Variants in NAPB observed in about 807,000 individuals in gnomAD.
The protein encoded by NAPB is NSF attachment protein beta.
In NAPB, 26 loss-of-function variants were observed where a neutral mutation model predicts 44.7. The observed-to-expected ratio is 0.58, with a 90% confidence interval of 0.43 to 0.81. The LOEUF is 0.81. Ranked by LOEUF, NAPB falls within the 30% of genes least tolerant of loss-of-function variation. The probability of loss-of-function intolerance (pLI) is 0.00; values close to 1 mark genes in which losing one functional copy is unlikely to be tolerated. For missense variants in NAPB, 315 were observed against 356.4 expected, an observed-to-expected ratio of 0.88 and a Z score of 0.94; for synonymous variants, 120 against 116.8, an observed-to-expected ratio of 1.03 and a Z score of -0.18.
In NAPB at chr20:23,377,016, A is replaced by G. The variant is rs901161604; in HGVS notation, c.*360T>C. 3 of 157,330 alleles carry G rather than the reference A, an allele frequency of 1.9e-5. No individual in the cohort carries two copies. The highest frequency in any genetic ancestry group is 1.3e-4 in the Admixed American group (2 of 15,436). 9.7% of individuals were successfully genotyped at this position (157,330 alleles called of 1,614,324 possible). ...AGCACAGAGAAAATGCAAAGCATCT[A>G]TGAGAACAACTGGGCTGAGTACTCA... On this transcript the variant is annotated 3_prime_UTR_variant, in exon 11 of 11. Coordinates refer to ENST00000377026, the MANE Select transcript of NAPB (RefSeq NM_022080.3).
At chr20:23,393,738 G>A (rs1600575565) in intron 5 of NAPB, among the ~76,000 whole-genome samples, 1 of 152,130 alleles carries the variant, frequency 6.6e-6, no homozygotes, top group South Asian at 2.1e-4. Flanking sequence ...TGTCTTCCTG[G>A]GGGGCTAAAT....
chr20:23,418,446 T>G (rs1226477970), intron 1 of NAPB, among the ~76,000 whole-genome samples: 1 of 152,214 alleles, frequency 6.6e-6, no homozygotes, highest in African/African-American at 2.4e-5. Flanking sequence ...TTAATTGTCC[T>G]ACTGACACAG....
Position 23,397,147 on chromosome 20 carries a change from G to A in NAPB, c.220C>T (p.Gln74Ter). 1 of 1,613,332 alleles carries A rather than the reference G, an allele frequency of 6.2e-7. No individual in the cohort carries two copies. The highest frequency in any genetic ancestry group is 8.5e-7 in the Non-Finnish European group (1 of 1,179,348). ...AFCQAAKLHMQLQSKHDSATS... is the reference protein window; with the variant it reads ...AFCQAAKLHM ...GCAGAGTCATGTTTGCTCTGAAGCT[G>A]CATGTGGAGCTTGGCTGCCTGACAA... The change falls in exon 3 of 11, where the codon CAG becomes TAG. Residue 74 changes from glutamine (Q) to a stop codon, truncating the protein, a stop_gained. Coordinates refer to ENST00000377026, the MANE Select transcript of NAPB (RefSeq NM_022080.3). LOFTEE classifies it high-confidence loss of function.
At chr20:23,404,018 G>A (rs1006373373) in intron 1 of NAPB, among the ~76,000 whole-genome samples, 3 of 152,128 alleles carry the variant, frequency 2.0e-5, no homozygotes, top group African/African-American at 7.2e-5. Context: ...TACCTCCACT[G>A]TTGCTTGGAC....
rs879154970 is a variant in NAPB, at chr20:23,390,214, G to A, written c.471C>T (p.Ser157=). 3 of 1,608,946 alleles carry A rather than the reference G, an allele frequency of 1.9e-6. No individual in the cohort carries two copies. In the South Asian group the frequency reaches 3.3e-5, roughly 18 times the overall value. Residue 157 remains serine (S), a synonymous_variant, in exon 6 of 11, where the codon TCC becomes TCT. Transcript: ENST00000377026. ...TTAAGAAAAGTAATACTTGCCTGTT[G>A]GATTCTTCTCCTTTGTAATAATCAG... is the stretch of plus-strand genomic sequence containing the variant. ...QSADYYKGEE[S]NSSANKCLLK... is the part of the protein sequence containing the mutation.
intron 1 of NAPB, among the ~76,000 whole-genome samples, chr20:23,420,444 C>T (rs1986305419): frequency 6.6e-6 from 1 of 152,134 alleles, no homozygotes; most frequent in Non-Finnish European, 1.5e-5. Context: ...TGGAGAGAGG[C>T]CAACAAGCAC....
At chr20:23,418,557 T>G (rs1986160372) in intron 1 of NAPB, among the ~76,000 whole-genome samples, 1 of 152,206 alleles carries the variant, frequency 6.6e-6, no homozygotes, top group African/African-American at 2.4e-5. Flanking sequence ...GGAGCAAGTA[T>G]TACTGGAAAT....
intron 1 of NAPB, among the ~76,000 whole-genome samples, chr20:23,419,887 T>G (rs1198836930): frequency 6.6e-6 from 1 of 152,220 alleles, no homozygotes; most frequent in African/African-American, 2.4e-5. Flanking sequence ...TCCTTAAGCA[T>G]TTCCTAAAGA....
At chr20:23,419,860 G>A (rs572759663) in intron 1 of NAPB, among the ~76,000 whole-genome samples, 3 of 152,164 alleles carry the variant, frequency 2.0e-5, no homozygotes, top group African/African-American at 4.8e-5. Flanking sequence ...GCAGTTATGC[G>A]TACTGCATGC....
At chr20:23,389,190 G>A (rs1383535005) in intron 7 of NAPB, among the ~76,000 whole-genome samples, 1 of 111,348 alleles carries the variant, frequency 9.0e-6, no homozygotes, top group African/African-American at 3.5e-5. Context: ...ATCAAAAACA[G>A]AATGAGACAA....
chr20:23,388,052 A>G (rs77548640), intron 7 of NAPB, among the ~76,000 whole-genome samples: 1 of 152,194 alleles, frequency 6.6e-6, no homozygotes, highest in Non-Finnish European at 1.5e-5. Context: ...GAGCCAGGAC[A>G]CTGGTATTCT....
chr20:23,383,031 T>C (rs1285992764), intron 7 of NAPB, among the ~76,000 whole-genome samples: 1 of 152,024 alleles, frequency 6.6e-6, no homozygotes, highest in Non-Finnish European at 1.5e-5. Flanking sequence ...GGCAAGCACC[T>C]GTAGTCCCAG....
chr20:23,383,047 T>C (rs1203989), intron 7 of NAPB, among the ~76,000 whole-genome samples: 35 of 150,086 alleles, frequency 2.3e-4, no homozygotes, highest in African/African-American at 8.4e-4. Flanking sequence ...CCCAGCTACT[T>C]GGGAGGCTGA....
intron 1 of NAPB, among the ~76,000 whole-genome samples, chr20:23,420,124 G>T (rs994291499): frequency 2.8e-4 from 43 of 152,306 alleles, no homozygotes; most frequent in African/African-American, 1.0e-3. Context: ...CAAAATTTCT[G>T]CCTTTCTCAT....
At chr20:23,387,502 CA>C (rs1983615260) in intron 7 of NAPB, among the ~76,000 whole-genome samples, 1 of 151,846 alleles carries the variant, frequency 6.6e-6, no homozygotes, top group Admixed American at 6.6e-5. Flanking sequence ...GAAATCCACA[CA>C]AAAAAACCTA....
intron 1 of NAPB, among the ~76,000 whole-genome samples, chr20:23,418,804 G>A (rs1986181057): frequency 2.7e-5 from 4 of 150,896 alleles, no homozygotes; most frequent in African/African-American, 4.9e-5. Flanking sequence ...AAAATTAGCC[G>A]GGCGTGGTGG....
At chr20:23,378,270 G>A (rs946709344) in intron 10 of NAPB, among the ~76,000 whole-genome samples, 7 of 151,778 alleles carry the variant, frequency 4.6e-5, no homozygotes, top group Non-Finnish European at 7.4e-5. Context: ...GGTGCAGTGA[G>A]CCGTGATCAC....
chr20:23,394,460 A>G (rs1122407), intron 5 of NAPB, among the ~76,000 whole-genome samples: 13,898 of 152,212 alleles, frequency 0.091, 1,038 homozygotes, highest in African/African-American at 0.21. Context: ...ACTGCTGGAC[A>G]AAGTGGAGAG....
At chr20:23,416,473 T>TA (rs910219818) in intron 1 of NAPB, among the ~76,000 whole-genome samples, 14 of 151,776 alleles carry the variant, frequency 9.2e-5, no homozygotes, top group South Asian at 2.1e-4. Flanking sequence ...ATCTGAAAAC[T>TA]AAAAAAAACA....
Sources: gnomAD v4.1 joint callset for allele counts (sites outside exome capture counted in the v4.1 genomes callset) on GRCh38, gnomAD v4.1.1 for gene constraint, MANE v1.5 for transcripts, NCBI Gene and HGNC (gene_info 2026-07-23, HGNC 2026-07-21) for gene names.